The following PRKAR1B variants were observed in gnomAD, a reference collection of about 807,000 sequenced individuals.
PRKAR1B encodes protein kinase cAMP-dependent type I regulatory subunit beta.
A neutral mutation model predicts 46.5 loss-of-function variants in PRKAR1B; 22 were observed. The ratio of observed to expected loss-of-function variants is 0.47; its 90% confidence interval spans 0.34 to 0.68. PRKAR1B has a LOEUF of 0.68. PRKAR1B is among the 30% of genes least tolerant of loss of function. PRKAR1B has a pLI of 0.01. For missense variants in PRKAR1B, 445 were observed against 535.6 expected (o/e 0.83, Z 1.67); for synonymous variants, 259 against 217.7 (o/e 1.19, Z -1.67).
At chr7:583,427 C>CGCACCCAT (rs1562537069) in intron 8 of PRKAR1B, among the ~76,000 whole-genome samples, 1 of 63,690 alleles carries the variant, frequency 1.6e-5, no homozygotes, top group East Asian at 2.9e-4. Context: ...CGCACACACG[C>CGCACCCAT]ACACACCCAC....
intron 4 of PRKAR1B, among the ~76,000 whole-genome samples, chr7:647,877 A>G (rs1562587623): frequency 6.7e-6 from 1 of 148,578 alleles, no homozygotes; most frequent in Non-Finnish European, 1.5e-5. Context: ...ATGCTTCATT[A>G]TGGCCGGGCA....
intron 1 of PRKAR1B, chr7:712,597 C>T (rs1318163273): frequency 1.5e-5 from 2 of 137,076 alleles, no homozygotes; most frequent in Non-Finnish European, 3.2e-5. Flanking sequence ...CGTCTCCCCC[C>T]GACCGCCTCC....
At chr7:578,037 C>T (rs1486495354) in intron 9 of PRKAR1B, among the ~76,000 whole-genome samples, 2 of 152,154 alleles carry the variant, frequency 1.3e-5, no homozygotes, top group East Asian at 3.9e-4. Context: ...TGGAAAGGGG[C>T]GGGAGCGCCC....
rs552040898 is a variant in PRKAR1B, at chr7:557,145, G to A, written c.892-5675C>T. ...CTCCTCAGCGGAGTCTGGTGGCCCC[G>A]GGACTCCCTCCTCCTGCCCTCCCAT... On this transcript the variant is annotated intron_variant, in intron 9 of 10. Coordinates refer to ENST00000537384, the MANE Select transcript of PRKAR1B (RefSeq NM_001164760.2). 1.4e-4 allele frequency among the ~76,000 whole-genome samples: 21 copies of A among 152,306 alleles called. No homozygotes were observed. In the South Asian group the frequency reaches 3.1e-3, roughly 23 times the overall value.
At chr7:650,655 C>G (rs1562589357) in intron 4 of PRKAR1B, among the ~76,000 whole-genome samples, 1 of 152,254 alleles carries the variant, frequency 6.6e-6, no homozygotes, top group Non-Finnish European at 1.5e-5. Context: ...GGGGCTCTGC[C>G]TGGGGACAGC....
intron 4 of PRKAR1B, among the ~76,000 whole-genome samples, chr7:636,450 C>G (rs1784112099): frequency 6.7e-6 from 1 of 150,252 alleles, no homozygotes; most frequent in Admixed American, 6.6e-5. Flanking sequence ...GCCCTCACGT[C>G]CTCCACCGGA....
chr7:564,813 G>A (rs879513228), intron 9 of PRKAR1B, among the ~76,000 whole-genome samples: 8 of 152,312 alleles, frequency 5.3e-5, no homozygotes, highest in East Asian at 1.9e-4. Flanking sequence ...CTCCCGAGAC[G>A]AACACATCAG....
chr7:693,678 G>T (rs1201991163), intron 2 of PRKAR1B, among the ~76,000 whole-genome samples: 1 of 152,154 alleles, frequency 6.6e-6, no homozygotes, highest in East Asian at 1.9e-4. Flanking sequence ...TTCACATCGT[G>T]GCTCCTGTAA....
At chr7:635,586 G>A (rs1414842817) in intron 4 of PRKAR1B, among the ~76,000 whole-genome samples, 4 of 152,194 alleles carry the variant, frequency 2.6e-5, no homozygotes, top group Non-Finnish European at 4.4e-5. Flanking sequence ...CAGGCCTGGA[G>A]CCCGGAAGGC....
Position 596,197 on chromosome 7 carries a change from C to A in PRKAR1B, c.657G>T (p.Thr219=), listed in dbSNP as rs79302454. ...TPRAATVKAK[T]DLKLWGIDRD... ...GGTCGATCCCCCAGAGCTTGAGGTCCGTCTTGGCTTTCACGGTCGCAGCCC... is the reference window on the plus strand; with the variant it reads ...GGTCGATCCCCCAGAGCTTGAGGTCAGTCTTGGCTTTCACGGTCGCAGCCC... Residue 219 remains threonine, a synonymous_variant, in exon 7 of 11, where the codon ACG becomes ACT. Transcript: ENST00000537384. The A allele has an allele frequency of 6.2e-7, 1 of 1,614,056 alleles. No individual in the cohort carries two copies. The highest frequency in any genetic ancestry group is 1.7e-5 in the Admixed American group (1 of 60,030).
chr7:659,355 T>C (rs1443871330), intron 4 of PRKAR1B, among the ~76,000 whole-genome samples: 1 of 152,124 alleles, frequency 6.6e-6, no homozygotes, highest in African/African-American at 2.4e-5. Flanking sequence ...TAAACACCTG[T>C]TGAATGAATG....
intron 2 of PRKAR1B, among the ~76,000 whole-genome samples, chr7:708,982 G>A (rs1300836362): frequency 1.3e-5 from 2 of 151,092 alleles, no homozygotes; most frequent in African/African-American, 2.4e-5. Flanking sequence ...TAGTAGAGAC[G>A]GGGTTTCACT....
intron 2 of PRKAR1B, among the ~76,000 whole-genome samples, chr7:708,697 G>A (rs1183831007): frequency 2.0e-5 from 3 of 151,784 alleles, no homozygotes; most frequent in Non-Finnish European, 4.4e-5. Flanking sequence ...ACGTTGGCCA[G>A]GCTGGTCTCC....
In PRKAR1B at chr7:644,186, G is replaced by A. The variant is rs117251156; in HGVS notation, c.440+33043C>T. On this transcript the variant is annotated intron_variant, in intron 4 of 10. Coordinates refer to ENST00000537384, the MANE Select transcript of PRKAR1B (RefSeq NM_001164760.2). This position sits in a 1 kb window ranked among gnomAD's most constrained non-coding sequence, Gnocchi z 4.9. The stretch of plus-strand genomic sequence containing the variant: ...ACACAGGCAGGCAGCACAGGGCACC[G>A]ACAGGCGGGATGTTCAACCTGCGTC... Among the ~76,000 whole-genome samples the A allele has an allele frequency of 0.01, 1,555 of 152,222 alleles. 13 individuals are homozygous for A. The highest frequency in any genetic ancestry group is 0.016 in the Non-Finnish European group (1,095 of 68,024).
chr7:598,694 G>A (rs988545560), intron 6 of PRKAR1B, among the ~76,000 whole-genome samples: 1 of 152,222 alleles, frequency 6.6e-6, no homozygotes, highest in African/African-American at 2.4e-5. Context: ...CCGATGCAGG[G>A]GCCTCTTGCT....
At chr7:689,061 T>A (rs780623922) in intron 2 of PRKAR1B, among the ~76,000 whole-genome samples, 1 of 152,182 alleles carries the variant, frequency 6.6e-6, no homozygotes, top group Non-Finnish European at 1.5e-5. Context: ...CTGCTCAGTA[T>A]GTTTGAGGAA....
chr7:563,821 G>T (rs1353117027), intron 9 of PRKAR1B, among the ~76,000 whole-genome samples: 1 of 151,926 alleles, frequency 6.6e-6, no homozygotes, highest in Non-Finnish European at 1.5e-5. Flanking sequence ...GTGTGCCTGT[G>T]TCCATGTGCA....
At chr7:598,637 G>A (rs980737072) in intron 6 of PRKAR1B, among the ~76,000 whole-genome samples, 12 of 143,492 alleles carry the variant, frequency 8.4e-5, no homozygotes, top group Admixed American at 1.4e-4. Context: ...AGCACCCTCC[G>A]CACTAAACAC....
At chr7:657,020 GATGA>G (rs201046852) in intron 4 of PRKAR1B, among the ~76,000 whole-genome samples, 283 of 150,512 alleles carry the variant, frequency 1.9e-3, no homozygotes, top group East Asian at 9.8e-3. Flanking sequence ...CGGATGGATG[GATGA>G]ATGAATGAAT....
Sources: allele counts gnomAD v4.1 joint callset (sites outside exome capture counted in the v4.1 genomes callset), GRCh38; gene constraint gnomAD v4.1.1; non-coding constraint Gnocchi (gnomAD v3.1); transcripts MANE v1.5; gene names NCBI Gene and HGNC (gene_info 2026-07-23, HGNC 2026-07-21).